The following FANCC variants were observed in gnomAD, a reference collection of about 807,000 sequenced individuals.
FANCC encodes the protein Fanconi anemia group C protein.
Under a neutral mutation model 71.3 loss-of-function variants are expected in FANCC, and 55 were observed. That is an observed-to-expected ratio of 0.77 (90% CI 0.62 to 0.97). The LOEUF is 0.97. Among genes scored for constraint, FANCC ranks in the 50% least tolerant of loss-of-function variants. The pLI, the probability that FANCC is intolerant of heterozygous loss-of-function variation, is 0.00. For missense variants in FANCC, 678 were observed against 670.9 expected, an observed-to-expected ratio of 1.01 and a Z score of -0.12; for synonymous variants, 275 against 244.9, an observed-to-expected ratio of 1.12 and a Z score of -1.15.
intron 11 of FANCC, among the ~76,000 whole-genome samples, chr9:95,115,518 A>C (rs2072330286): frequency 6.6e-6 from 1 of 152,260 alleles, no homozygotes; most frequent in Non-Finnish European, 1.5e-5. Flanking sequence ...CAGGAAAGAA[A>C]ATAAGTGAGC....
At chr9:95,162,194 A>G (rs1830792508) in intron 6 of FANCC, among the ~76,000 whole-genome samples, 4 of 152,202 alleles carry the variant, frequency 2.6e-5, no homozygotes, top group Middle Eastern at 3.2e-3. Flanking sequence ...CATAAGTGTA[A>G]GTAATCATGC....
chr9:95,242,911 T>C (rs975898409), intron 3 of FANCC, among the ~76,000 whole-genome samples: 11 of 152,182 alleles, frequency 7.2e-5, no homozygotes, highest in Admixed American at 5.9e-4. Flanking sequence ...TTAAGTGAGA[T>C]GGGAAACTGC....
chr9:95,178,028 A>G lies in FANCC; in HGVS notation c.346-5881T>C, dbSNP rs545856466. ...AATTTGTAAACTTTCTTAAAACATTATAAGATTATTTTTTGCTTTTTTTTT... is the reference window on the plus strand; with the variant it reads ...AATTTGTAAACTTTCTTAAAACATTGTAAGATTATTTTTTGCTTTTTTTTT... On this transcript the variant is annotated intron_variant, in intron 4 of 14. Transcript: ENST00000289081. 3.5e-4 allele frequency among the ~76,000 whole-genome samples: 53 copies of G among 152,304 alleles called. 1 individual carries two copies. Among genetic ancestry groups the G allele is most frequent in the African/African-American group, 1.0e-3 (43 of 41,570 alleles).
intron 7 of FANCC, among the ~76,000 whole-genome samples, chr9:95,146,519 A>C (rs1829575614): frequency 6.8e-6 from 1 of 146,630 alleles, no homozygotes; most frequent in Non-Finnish European, 1.5e-5. Context: ...AAAATTGAAA[A>C]CGTAAATAGT....
chr9:95,315,062 T>C (rs1047214689), intron 1 of FANCC, among the ~76,000 whole-genome samples: 2 of 152,206 alleles, frequency 1.3e-5, no homozygotes, highest in African/African-American at 4.8e-5. Context: ...AAACTTACTA[T>C]AAAGCTGCCA....
intron 7 of FANCC, among the ~76,000 whole-genome samples, chr9:95,148,547 C>T (rs1374714628): frequency 6.6e-6 from 1 of 152,234 alleles, no homozygotes; most frequent in Non-Finnish European, 1.5e-5. Flanking sequence ...TGTCCACCAA[C>T]ATAAGCTTGA....
chr9:95,242,004 C>T (rs1018583500), intron 3 of FANCC, among the ~76,000 whole-genome samples: 1 of 152,162 alleles, frequency 6.6e-6, no homozygotes, highest in African/African-American at 2.4e-5. Context: ...GAAATAAGAA[C>T]AATACCAACT....
chr9:95,190,347 C>T (rs1404731994), intron 4 of FANCC, among the ~76,000 whole-genome samples: 1 of 152,178 alleles, frequency 6.6e-6, no homozygotes, highest in African/African-American at 2.4e-5. Context: ...GCTAGAAGAG[C>T]TACCTAGATT....
intron 3 of FANCC, among the ~76,000 whole-genome samples, chr9:95,246,815 G>T (rs933312365): frequency 6.6e-6 from 1 of 152,156 alleles, no homozygotes; most frequent in South Asian, 2.1e-4. Flanking sequence ...CCACCATGAG[G>T]TATAGCTGTG....
chr9:95,288,369 A>G (rs893340617), intron 1 of FANCC, among the ~76,000 whole-genome samples: 3 of 152,090 alleles, frequency 2.0e-5, no homozygotes, highest in Non-Finnish European at 4.4e-5. Context: ...CTTAAGAGTT[A>G]TATATGTCAA....
chr9:95,257,247 A>G (rs1475215019), intron 1 of FANCC, among the ~76,000 whole-genome samples: 2 of 152,240 alleles, frequency 1.3e-5, no homozygotes, highest in African/African-American at 4.8e-5. Context: ...TCTCAGAACC[A>G]CATCACACTT....
intron 1 of FANCC, among the ~76,000 whole-genome samples, chr9:95,257,273 A>G (rs960995804): frequency 1.3e-5 from 2 of 152,234 alleles, no homozygotes; most frequent in African/African-American, 4.8e-5. Context: ...AAAACTGACC[A>G]CATAATTGGA....
At chr9:95,291,253 G>A (rs759637106) in intron 1 of FANCC, among the ~76,000 whole-genome samples, 3 of 151,948 alleles carry the variant, frequency 2.0e-5, no homozygotes, top group Non-Finnish European at 4.4e-5. Context: ...AGAAAGAAAG[G>A]GCATCCAAAC....
intron 4 of FANCC, among the ~76,000 whole-genome samples, chr9:95,217,034 A>C (rs1449827806): frequency 1.3e-5 from 2 of 152,258 alleles, no homozygotes; most frequent in Non-Finnish European, 2.9e-5. Context: ...TACATGGAAC[A>C]ATTACTGAAA....
At chr9:95,289,180 CAG>C (rs1192604331) in intron 1 of FANCC, among the ~76,000 whole-genome samples, 2 of 152,110 alleles carry the variant, frequency 1.3e-5, no homozygotes, top group Non-Finnish European at 1.5e-5. Flanking sequence ...TATAGTTTTT[CAG>C]AGTTACTACA....
intron 1 of FANCC, among the ~76,000 whole-genome samples, chr9:95,262,871 T>C (rs1280813072): frequency 1.3e-5 from 2 of 152,162 alleles, no homozygotes; most frequent in Non-Finnish European, 2.9e-5. Flanking sequence ...GAAGGACAGA[T>C]ATTCTTTGAT....
intron 4 of FANCC, among the ~76,000 whole-genome samples, chr9:95,228,956 T>C (rs1272466118): frequency 6.6e-6 from 1 of 152,108 alleles, no homozygotes; most frequent in Non-Finnish European, 1.5e-5. Flanking sequence ...CATTTCACTT[T>C]GAATAAGACA....
intron 4 of FANCC, among the ~76,000 whole-genome samples, chr9:95,198,931 G>A (rs572673113): frequency 1.3e-5 from 2 of 152,166 alleles, no homozygotes; most frequent in South Asian, 4.2e-4. Flanking sequence ...GTAGAGCCAG[G>A]GTGTCGCTAT....
intron 7 of FANCC, 58 bp from the exon 8 acceptor site, chr9:95,135,560 T>C (rs1827550195): frequency 6.6e-6 from 10 of 1,503,786 alleles, no homozygotes; most frequent in Non-Finnish European, 9.2e-6. Flanking sequence ...AAAAAGAAGA[T>C]TAAAAAAAGT....
Sources: allele counts gnomAD v4.1 joint callset (sites outside exome capture counted in the v4.1 genomes callset), GRCh38; gene constraint gnomAD v4.1.1; transcripts MANE v1.5; gene names NCBI Gene and HGNC (gene_info 2026-07-23, HGNC 2026-07-21).